The following CDH8 variants were observed in gnomAD, a reference collection of about 807,000 sequenced individuals.
CDH8 encodes cadherin 8.
A neutral mutation model predicts 68.1 loss-of-function variants in CDH8; 17 were observed. That is an observed-to-expected ratio of 0.25 (90% CI 0.17 to 0.37). The LOEUF (loss-of-function observed/expected upper bound fraction) is 0.37, where lower values mean the gene tolerates loss of function less well. CDH8 is among the 10% of genes least tolerant of loss of function. The pLI, the probability that CDH8 is intolerant of heterozygous loss-of-function variation, is 1.00. For missense variants in CDH8, 763 were observed against 999.3 expected (o/e 0.76, Z 3.19); for synonymous variants, 372 against 365.1 (o/e 1.02, Z -0.21).
intron 5 of CDH8, 73 bp downstream of exon 5, chr16:61,824,939 C>T: frequency 7.6e-7 from 1 of 1,315,712 alleles, no homozygotes; most frequent in Non-Finnish European, 1.1e-6. Flanking sequence ...TTAATTATCA[C>T]TAAAAATTAT....
intron 2 of CDH8, among the ~76,000 whole-genome samples, chr16:62,000,786 T>C (rs1247969981): frequency 1.3e-5 from 2 of 152,230 alleles, no homozygotes; most frequent in African/African-American, 4.8e-5. Context: ...TGTTATTTTC[T>C]CATGTAATAT....
In CDH8 at chr16:61,771,491, A is replaced by C. The variant is rs1461855130; in HGVS notation, c.1414+17855T>G. 4.0e-5 allele frequency among the ~76,000 whole-genome samples: 6 copies of C among 151,518 alleles called. No individual in the cohort carries two copies. The South Asian group carries it at 8.3e-4, about 21-fold the overall frequency. On this transcript the variant is annotated intron_variant, in intron 8 of 11. Coordinates refer to ENST00000577390, the MANE Select transcript of CDH8 (RefSeq NM_001796.5). ...GCCAGCCAAAAAAAAAAAAAAAAAA[A>C]AACTTTTTTTTAACCAATTTTTCTT...
intron 6 of CDH8, among the ~76,000 whole-genome samples, chr16:61,819,346 A>G (rs1962157805): frequency 6.6e-6 from 1 of 152,072 alleles, no homozygotes. Flanking sequence ...AATAAAGTAA[A>G]TGGCTAATTG....
At chr16:61,889,463 G>C (rs1400523824) in intron 3 of CDH8, among the ~76,000 whole-genome samples, 3 of 152,146 alleles carry the variant, frequency 2.0e-5, no homozygotes, top group African/African-American at 7.2e-5. Flanking sequence ...CTACCCATGA[G>C]AGGCAAAGTT....
intron 2 of CDH8, among the ~76,000 whole-genome samples, chr16:62,019,634 G>A (rs958624209): frequency 3.3e-5 from 5 of 152,030 alleles, no homozygotes; most frequent in African/African-American, 9.7e-5. Flanking sequence ...TCACAATTAC[G>A]CACTATGACT....
At chr16:61,657,554 TA>T (rs1472434467) in intron 10 of CDH8, among the ~76,000 whole-genome samples, 1 of 152,062 alleles carries the variant, frequency 6.6e-6, no homozygotes, top group African/African-American at 2.4e-5. Flanking sequence ...ACCAGTAAGC[TA>T]AAAGCAAGGA....
At chr16:61,972,100 A>G (rs1432865244) in intron 2 of CDH8, among the ~76,000 whole-genome samples, 2 of 152,104 alleles carry the variant, frequency 1.3e-5, no homozygotes, top group African/African-American at 2.4e-5. Flanking sequence ...AGTTTCCCCT[A>G]TACTGTTCCC....
intron 8 of CDH8, among the ~76,000 whole-genome samples, chr16:61,753,732 C>T (rs914730057): frequency 1.3e-5 from 2 of 152,106 alleles, no homozygotes; most frequent in Non-Finnish European, 2.9e-5. Context: ...AAAAGTACTA[C>T]ACTTTATAAT....
At chr16:61,665,157 A>G (rs1036055967) in intron 10 of CDH8, among the ~76,000 whole-genome samples, 8 of 151,930 alleles carry the variant, frequency 5.3e-5, no homozygotes, top group African/African-American at 1.9e-4. Flanking sequence ...GAGACACTAA[A>G]GACCTTCTGC....
chr16:61,790,253 C>T (rs943632156), intron 7 of CDH8, among the ~76,000 whole-genome samples: 1 of 151,948 alleles, frequency 6.6e-6, no homozygotes, highest in African/African-American at 2.4e-5. Flanking sequence ...GAGCAAACTG[C>T]TTCTCAGGAC....
chr16:61,767,273 G>A (rs974259847), intron 8 of CDH8, among the ~76,000 whole-genome samples: 1 of 151,942 alleles, frequency 6.6e-6, no homozygotes, highest in Non-Finnish European at 1.5e-5. Flanking sequence ...GAATCAATCT[G>A]ATGTATATCC....
chr16:61,789,347 A>T lies in CDH8; in HGVS notation c.1413T>A (p.Ile471=). The part of the protein sequence containing the change: ...WHNITIIATE[I]RNHSQISRVP... ...AAATGAACAAATCCAGGCACTTACTAATTTCAGTAGCAATGATTGTTATGT... is the reference window on the plus strand; with the variant it reads ...AAATGAACAAATCCAGGCACTTACTTATTTCAGTAGCAATGATTGTTATGT... The change falls in exon 8 of 12, where the codon ATT becomes ATA. Residue 471 remains isoleucine, a splice_region_variant and synonymous_variant. Coordinates refer to ENST00000577390, the MANE Select transcript of CDH8 (RefSeq NM_001796.5). The T allele has an allele frequency of 6.2e-7, 1 of 1,608,834 alleles. No homozygotes were observed. The highest frequency in any genetic ancestry group is 8.5e-7 in the Non-Finnish European group (1 of 1,177,602).
At chr16:62,002,580 G>A (rs1430485092) in intron 2 of CDH8, among the ~76,000 whole-genome samples, 2 of 152,166 alleles carry the variant, frequency 1.3e-5, no homozygotes, top group African/African-American at 4.8e-5. Context: ...TGGTAATCAG[G>A]TTTCCTATTA....
intron 10 of CDH8, among the ~76,000 whole-genome samples, chr16:61,658,119 A>G (rs1387187242): frequency 6.6e-6 from 1 of 151,780 alleles, no homozygotes; most frequent in Non-Finnish European, 1.5e-5. Context: ...TGGATTGGTA[A>G]TTGTATTTGT....
At chr16:61,726,792 C>T (rs1959384501) in intron 9 of CDH8, 1 of 391,930 alleles carries the variant, frequency 2.6e-6, no homozygotes. Context: ...AATTCAGCCC[C>T]CGTCACTCTA....
At chr16:61,956,562 A>G (rs1964992693) in intron 2 of CDH8, among the ~76,000 whole-genome samples, 1 of 152,242 alleles carries the variant, frequency 6.6e-6, no homozygotes, top group Non-Finnish European at 1.5e-5. Context: ...CCTAATATGC[A>G]TAAACACAAA....
intron 9 of CDH8, among the ~76,000 whole-genome samples, chr16:61,724,170 T>A (rs574963100): frequency 1.5e-4 from 23 of 150,888 alleles, no homozygotes; most frequent in African/African-American, 5.6e-4. Flanking sequence ...CAAGGGAATG[T>A]CACCTTTAAC....
chr16:61,888,640 T>C (rs1963720010), intron 3 of CDH8, among the ~76,000 whole-genome samples: 1 of 152,188 alleles, frequency 6.6e-6, no homozygotes. Context: ...GTAGATTGAA[T>C]GTGTCTGTAG....
At chr16:61,955,239 T>G in intron 2 of CDH8, among the ~76,000 whole-genome samples, 1 of 152,220 alleles carries the variant, frequency 6.6e-6, no homozygotes, top group East Asian at 1.9e-4. Flanking sequence ...ACCTAAAGAT[T>G]TCTCTATATA....
Sources: allele counts gnomAD v4.1 joint callset (sites outside exome capture counted in the v4.1 genomes callset), GRCh38; gene constraint gnomAD v4.1.1; transcripts MANE v1.5; gene names NCBI Gene and HGNC (gene_info 2026-07-23, HGNC 2026-07-21).